The following KCNK3 variants were observed in gnomAD, a reference collection of about 807,000 sequenced individuals.
The protein encoded by KCNK3 is potassium two pore domain channel subfamily K member 3, also known as potassium channel subfamily K member 3.
KCNK3 carries 9 observed loss-of-function variants against 27.3 expected under a neutral mutation model. The observed-to-expected ratio is 0.33, with a 90% CI of 0.20 to 0.57. KCNK3 has a LOEUF of 0.57. Ranked by LOEUF, KCNK3 falls within the 20% of genes least tolerant of loss-of-function variation. The pLI is 0.87. For synonymous variants in KCNK3, 278 were observed against 273.8 expected, an observed-to-expected ratio of 1.02 and a Z score of -0.15; for missense variants, 391 against 577.7, an observed-to-expected ratio of 0.68 and a Z score of 3.31.
chr2:26,700,336 A>G (rs952872678), intron 1 of KCNK3, among the ~76,000 whole-genome samples: 2 of 152,174 alleles, frequency 1.3e-5, no homozygotes, highest in African/African-American at 4.8e-5. Context: ...ACATTCTCTC[A>G]TTGTGCAGAA....
chr2:26,704,186 C>T (rs1329130193), intron 1 of KCNK3, among the ~76,000 whole-genome samples: 3 of 152,094 alleles, frequency 2.0e-5, no homozygotes, highest in Non-Finnish European at 4.4e-5. Context: ...ACTCCCCTAT[C>T]CCATTTCCTT....
chr2:26,696,426 A>T (rs572226527), intron 1 of KCNK3, among the ~76,000 whole-genome samples: 53 of 152,158 alleles, frequency 3.5e-4, no homozygotes, highest in Non-Finnish European at 6.3e-4. Context: ...ATATGCTATG[A>T]AGCTCAGACC....
chr2:26,718,305 C>T (rs923059592), intron 1 of KCNK3, among the ~76,000 whole-genome samples: 1 of 152,182 alleles, frequency 6.6e-6, no homozygotes, highest in Non-Finnish European at 1.5e-5. Flanking sequence ...TGCCTTAAAA[C>T]GAAGACTTCA....
At position 26,721,096 on chromosome 2, in the gene KCNK3, T is replaced by C. The variant is rs1663320000; in HGVS notation, c.284-6571T>C. 6.6e-6 allele frequency among the ~76,000 whole-genome samples: 1 copy of C among 152,138 alleles called. No individual in the cohort carries two copies. Reference sequence around the variant, plus strand: ...TCCTGGATGTCTAAGGGGTGGTTTCTCATCACCATCCCAGACCTCAGAGTC... The same window carrying C: ...TCCTGGATGTCTAAGGGGTGGTTTCCCATCACCATCCCAGACCTCAGAGTC... On this transcript the variant is annotated intron_variant, in intron 1 of 1. Transcript: ENST00000302909. This position sits in a 1 kb window ranked among gnomAD's most constrained non-coding sequence, Gnocchi z 4.3.
At chr2:26,718,827 C>T (rs927774409) in intron 1 of KCNK3, among the ~76,000 whole-genome samples, 4 of 152,124 alleles carry the variant, frequency 2.6e-5, no homozygotes, top group African/African-American at 7.2e-5. Flanking sequence ...AGGTTCGTCT[C>T]GGATTCCTGG....
At chr2:26,714,155 G>GCCT (rs1042625891) in intron 1 of KCNK3, among the ~76,000 whole-genome samples, 1 of 151,698 alleles carries the variant, frequency 6.6e-6, no homozygotes, top group African/African-American at 2.4e-5. Flanking sequence ...CCCTCCACAC[G>GCCT]CCAGGCCTTG....
rs745920220 is a variant in KCNK3 at position 26,693,176 on chromosome 2, G to C, written c.283+18G>C. The C allele has an allele frequency of 2.0e-5, 30 of 1,523,022 alleles. No homozygotes were observed. In the African/African-American group the frequency reaches 2.4e-4, roughly 12 times the overall value. 94.3% of individuals were successfully genotyped at this position (1,523,022 alleles called of 1,614,324 possible). On this transcript the variant is annotated intron_variant, in intron 1 of 1. Transcript: ENST00000302909. The surrounding 1 kb of genome is among the most constrained non-coding windows in gnomAD (Gnocchi z 5.5). ...CACCATCGGTAACGGCTCGCCGGGC[G>C]GGGGGCGGGAACCCAGGGCTGGGCG...
At chr2:26,712,666 A>AGGGTGT (rs1663144913) in intron 1 of KCNK3, among the ~76,000 whole-genome samples, 1 of 145,588 alleles carries the variant, frequency 6.9e-6, no homozygotes, top group African/African-American at 2.5e-5. Context: ...TGGGTGTTGG[A>AGGGTGT]GTGTGTGTGT....
intron 1 of KCNK3, among the ~76,000 whole-genome samples, chr2:26,705,883 G>A (rs1365367304): frequency 6.6e-6 from 1 of 152,084 alleles, no homozygotes; most frequent in Non-Finnish European, 1.5e-5. Context: ...GGGGGTGGGG[G>A]GCAGGTCAGA....
chr2:26,698,165 A>G (rs1670258766), intron 1 of KCNK3, among the ~76,000 whole-genome samples: 1 of 151,956 alleles, frequency 6.6e-6, no homozygotes, highest in Non-Finnish European at 1.5e-5. Flanking sequence ...TCATCACTCC[A>G]TTGTTCGAGG....
chr2:26,700,721 TCATCATCAC>T (rs1305999915), intron 1 of KCNK3, among the ~76,000 whole-genome samples: 1 of 125,780 alleles, frequency 8.0e-6, no homozygotes, highest in Admixed American at 8.8e-5. Context: ...CTCTTCATCA[TCATCATCAC>T]CATCATCATC....
chr2:26,699,689 C>T (rs892135143), intron 1 of KCNK3, among the ~76,000 whole-genome samples: 3 of 152,178 alleles, frequency 2.0e-5, no homozygotes, highest in Non-Finnish European at 4.4e-5. Flanking sequence ...GACGGACACT[C>T]CCTCCTCCAC....
intron 1 of KCNK3, among the ~76,000 whole-genome samples, chr2:26,705,587 C>T (rs1227627541): frequency 6.6e-6 from 1 of 152,186 alleles, no homozygotes; most frequent in Non-Finnish European, 1.5e-5. Flanking sequence ...CCCTTGCCCC[C>T]TTGACAGTGG....
chr2:26,705,801 G>A (rs1670365183), intron 1 of KCNK3, among the ~76,000 whole-genome samples: 1 of 152,048 alleles, frequency 6.6e-6, no homozygotes, highest in African/African-American at 2.4e-5. Flanking sequence ...TCTTAAGAGT[G>A]GCCACTGAGT....
intron 1 of KCNK3, among the ~76,000 whole-genome samples, chr2:26,726,537 A>C (rs1663423536): frequency 6.6e-6 from 1 of 152,218 alleles, no homozygotes; most frequent in Non-Finnish European, 1.5e-5. Flanking sequence ...AAAGTAGTAA[A>C]TATATCAACA....
At position 26,728,711 on chromosome 2, in the gene KCNK3, C is replaced by A; in HGVS notation, c.*143C>A. 2 of 710,444 alleles carry A rather than the reference C, an allele frequency of 2.8e-6. No homozygotes were observed. Among genetic ancestry groups the A allele is most frequent in the Non-Finnish European group, 4.0e-6 (2 of 497,132 alleles). The allele number at this position is 710,444 out of a possible 1,614,324, so 44.0% of individuals were successfully genotyped here. A position where few individuals can be genotyped will look rare whatever the true frequency, so the allele number is the denominator to read the frequency against. On this transcript the variant is annotated 3_prime_UTR_variant, in exon 2 of 2. Transcript: ENST00000302909. Reference sequence around the variant, plus strand: ...TCTCCCCCAGCACCCCCATCTCCGACTGTGCCTGCTTGCACCAGCCGGCAG... The same window carrying A: ...TCTCCCCCAGCACCCCCATCTCCGAATGTGCCTGCTTGCACCAGCCGGCAG...
chr2:26,714,756 C>T (rs1484666491), intron 1 of KCNK3, among the ~76,000 whole-genome samples: 1 of 151,520 alleles, frequency 6.6e-6, no homozygotes, highest in Non-Finnish European at 1.5e-5. Flanking sequence ...AGTGGTGGCA[C>T]ACACCTGTAA....
Position 26,693,017 on chromosome 2 carries a change from C to G in KCNK3, c.142C>G (p.Leu48Val). 1 of 1,582,674 alleles carries G rather than the reference C, an allele frequency of 6.3e-7. No homozygotes were observed. Among genetic ancestry groups the G allele is most frequent in the African/African-American group, 1.3e-5 (1 of 74,114 alleles). ...RQRLELRQQELRARYNLSQGG... is the reference protein window; with the variant it reads ...RQRLELRQQEVRARYNLSQGG... ...GCGGCTGGAGCTGCGGCAGCAGGAG[C>G]TGCGGGCGCGCTACAACCTCAGCCA... The change falls in exon 1 of 2, where the codon CTG becomes GTG. Residue 48 changes from leucine (L) to valine (V), a missense_variant. Physicochemically the swap from Leu to Val is conservative, Grantham distance 32 (BLOSUM62 1). Transcript: ENST00000302909. This position sits in a 1 kb window ranked among gnomAD's most constrained non-coding sequence, Gnocchi z 5.5.
At chr2:26,725,176 C>A (rs927916944) in intron 1 of KCNK3, among the ~76,000 whole-genome samples, 2 of 152,076 alleles carry the variant, frequency 1.3e-5, no homozygotes, top group African/African-American at 4.8e-5. Flanking sequence ...CTGCCTGACC[C>A]CACAGAGATG....
Sources: allele counts gnomAD v4.1 joint callset (sites outside exome capture counted in the v4.1 genomes callset), GRCh38; gene constraint gnomAD v4.1.1; non-coding constraint Gnocchi (gnomAD v3.1); transcripts MANE v1.5; gene names NCBI Gene and HGNC (gene_info 2026-07-23, HGNC 2026-07-21).